The following RNF212 variants were observed in gnomAD, a reference collection of about 807,000 sequenced individuals.
The protein encoded by RNF212 is ring finger protein 212.
RNF212 carries 33 observed loss-of-function variants against 34.7 expected under a neutral mutation model. The observed-to-expected ratio is 0.95, with a 90% CI of 0.72 to 1.27. RNF212 has a LOEUF of 1.27. RNF212 is among the 50% of genes most tolerant of loss of function. The pLI is 0.00. For missense variants in RNF212, 377 were observed against 362.2 expected, an observed-to-expected ratio of 1.04 and a Z score of -0.33; for synonymous variants, 140 against 136.1, an observed-to-expected ratio of 1.03 and a Z score of -0.20.
Position 1,090,955 on chromosome 4 carries a change from A to T in RNF212, c.247-117T>A, listed in dbSNP as rs1722096252. 6.0e-6 allele frequency: 4 copies of T among 665,750 alleles called. No homozygotes were observed. In the Admixed American group the frequency reaches 1.0e-4, roughly 17 times the overall value. The allele number at this position is 665,750 out of a possible 1,614,324, so 41.2% of individuals were successfully genotyped here. On this transcript the variant is annotated intron_variant, in intron 3 of 9. Coordinates refer to ENST00000433731, the MANE Select transcript of RNF212 (RefSeq NM_001131034.4). ...CAGGAGAGCTCACAGTGCTTGTCTT[A>T]CGTGTGTCCTGCCCCCACAGACGCC...
Position 1,072,633 on chromosome 4 carries a change from A to C in RNF212, c.*241T>G. On this transcript the variant is annotated 3_prime_UTR_variant, in exon 10 of 10. Transcript: ENST00000433731. ...TAAGTATGTGAAAAAAAAACTCCCT[A>C]AGCATGAGAACCTATAAAATAAAAG... 1.8e-6 allele frequency: 2 copies of C among 1,083,808 alleles called. No homozygotes were observed. Among genetic ancestry groups the C allele is most frequent in the South Asian group, 6.4e-5 (2 of 31,416 alleles). The allele number at this position is 1,083,808 out of a possible 1,614,324, so 67.1% of individuals were successfully genotyped here. A position where few individuals can be genotyped will look rare whatever the true frequency, so the allele number is the denominator to read the frequency against.
chr4:1,057,040 C>T lies in RNF212; in HGVS notation n.221-537G>A, dbSNP rs61742501. The T allele has an allele frequency of 6.0e-4, 581 of 964,904 alleles. 4 individuals are homozygous for T. In the African/African-American group the frequency reaches 8.6e-3, roughly 14 times the overall value. 59.8% of individuals were successfully genotyped at this position (964,904 alleles called of 1,614,324 possible). A position where few individuals can be genotyped will look rare whatever the true frequency, so the allele number is the denominator to read the frequency against. ...CAAGAAACACAACATCATGAATGCT[C>T]GGAGCATCTCTGGTGACACGGTAGT... On this transcript the variant is annotated intron_variant and non_coding_transcript_variant, in intron 4 of 4. Transcript: ENST00000503206.
intron 2 of RNF212, chr4:1,099,975 C>A (rs1421955050): frequency 2.3e-6 from 1 of 432,788 alleles, no homozygotes; most frequent in Non-Finnish European, 4.7e-6. Flanking sequence ...CAGCCACTGC[C>A]GCTAGGCAGG....
chr4:1,097,574 C>T (rs1222818683), intron 2 of RNF212, among the ~76,000 whole-genome samples: 1 of 152,088 alleles, frequency 6.6e-6, no homozygotes, highest in African/African-American at 2.4e-5. Context: ...CACTGCACTC[C>T]AGCCTGGGCA....
At chr4:1,080,696 G>A (rs1040946221) in intron 7 of RNF212, among the ~76,000 whole-genome samples, 4 of 152,220 alleles carry the variant, frequency 2.6e-5, no homozygotes, top group Non-Finnish European at 4.4e-5. Flanking sequence ...CTCTCTGCCT[G>A]AGCCTTCTTT....
At chr4:1,063,778 G>A (rs923600206) in intron 3 of RNF212, among the ~76,000 whole-genome samples, 1 of 151,952 alleles carries the variant, frequency 6.6e-6, no homozygotes, top group African/African-American at 2.4e-5. Flanking sequence ...GGAGGCTGAG[G>A]TGGGAGGATT....
At chr4:1,084,808 C>T (rs17164229) in intron 5 of RNF212, among the ~76,000 whole-genome samples, 19,490 of 150,836 alleles carry the variant, frequency 0.13, 1,375 homozygotes, top group East Asian at 0.31. Flanking sequence ...CTGGAGTTTG[C>T]TTGCTGATGC....
chr4:1,100,257 A>G (rs912382215), intron 2 of RNF212: 4 of 274,952 alleles, frequency 1.5e-5, no homozygotes, highest in Non-Finnish European at 2.8e-5. Flanking sequence ...TTCTGAAATT[A>G]TTGTTAAGAC....
intron 4 of RNF212, among the ~76,000 whole-genome samples, chr4:1,086,469 T>C (rs1288586742): frequency 6.7e-6 from 1 of 148,844 alleles, no homozygotes; most frequent in East Asian, 2.0e-4. Context: ...ACACAAAATA[T>C]AACAAAATCT....
intron 5 of RNF212, among the ~76,000 whole-genome samples, chr4:1,084,001 T>C (rs1577697194): frequency 6.9e-6 from 1 of 145,440 alleles, no homozygotes; most frequent in Non-Finnish European, 1.5e-5. Context: ...CAGGCTGGAG[T>C]GCAATGGCAT....
intron 1 of RNF212, among the ~76,000 whole-genome samples, chr4:1,109,907 T>C (rs1725395776): frequency 6.6e-6 from 1 of 152,216 alleles, no homozygotes. Context: ...GGTCCCCTTC[T>C]AACAGCCTCC....
Position 1,113,450 on chromosome 4 carries a change from C to T in RNF212, c.15G>A (p.Val5=). 1 of 1,607,682 alleles carries T rather than the reference C, an allele frequency of 6.2e-7. No homozygotes were observed. The change falls in exon 1 of 10, where the codon GTG becomes GTA. Residue 5 remains valine (V), a synonymous_variant. Coordinates refer to ENST00000433731, the MANE Select transcript of RNF212 (RefSeq NM_001131034.4). MANW[V]FCNRCFQPPH... is the part of the protein sequence containing the mutation. Reference sequence around the variant, plus strand: ...GCGGCTGGAAGCAGCGATTACAGAACACCCAGTTGGCCATGCCAGGCGGGC... The same window carrying T: ...GCGGCTGGAAGCAGCGATTACAGAATACCCAGTTGGCCATGCCAGGCGGGC...
chr4:1,063,176 C>A (rs1717861014), intron 3 of RNF212, among the ~76,000 whole-genome samples: 1 of 152,138 alleles, frequency 6.6e-6, no homozygotes, highest in East Asian at 1.9e-4. Flanking sequence ...GAGATTTCAA[C>A]CTGCTTTGTC....
intron 3 of RNF212, among the ~76,000 whole-genome samples, chr4:1,092,984 C>T (rs535993744): frequency 6.8e-6 from 1 of 147,352 alleles, no homozygotes; most frequent in East Asian, 2.0e-4. Context: ...CAAACTACGC[C>T]AGGACCAGGG....
At chr4:1,098,722 C>T (rs894288359) in intron 2 of RNF212, among the ~76,000 whole-genome samples, 1 of 152,082 alleles carries the variant, frequency 6.6e-6, no homozygotes, top group Non-Finnish European at 1.5e-5. Context: ...GGTCTCCCTA[C>T]GTATAAAACA....
Position 1,081,469 on chromosome 4 carries a change from T to C in RNF212, c.416-2A>G, listed in dbSNP as rs1315061406. ...GCAGCAGGCATCCGTGTGGTTTTGC[T>C]GGAAGAGTGATGACGAAAATGCCAG... is the stretch of plus-strand genomic sequence containing the variant. On this transcript the variant is annotated splice_acceptor_variant, in intron 6 of 9. Transcript: ENST00000433731. LOFTEE classifies it high-confidence loss of function. 2 of 1,613,916 alleles carry C rather than the reference T, an allele frequency of 1.2e-6. No homozygotes were observed. The highest frequency in any genetic ancestry group is 1.3e-5 in the African/African-American group (1 of 75,002).
intron 2 of RNF212, among the ~76,000 whole-genome samples, chr4:1,106,307 GA>G (rs901023293): frequency 7.4e-5 from 11 of 149,362 alleles, no homozygotes; most frequent in African/African-American, 2.5e-4. Context: ...CAGACACAGA[GA>G]AAAGAACACA....
chr4:1,100,357 C>A (rs1723767578), intron 2 of RNF212: 1 of 156,904 alleles, frequency 6.4e-6, no homozygotes, highest in South Asian at 1.8e-4. Context: ...TACTTCCGAG[C>A]TACTGGTGCA....
intron 2 of RNF212, among the ~76,000 whole-genome samples, chr4:1,105,220 C>T (rs560612488): frequency 6.1e-4 from 93 of 152,298 alleles, no homozygotes; most frequent in Admixed American, 1.9e-3. Flanking sequence ...AAAACCGGCC[C>T]GGTCTAGCTT....
Sources: gnomAD v4.1 joint callset for allele counts (sites outside exome capture counted in the v4.1 genomes callset) on GRCh38, gnomAD v4.1.1 for gene constraint, MANE v1.5 for transcripts, NCBI Gene and HGNC (gene_info 2026-07-23, HGNC 2026-07-21) for gene names.